The following MYT1L variants were observed in gnomAD, a reference collection of about 807,000 sequenced individuals.
MYT1L encodes the protein myelin transcription factor 1 like, also known as myelin transcription factor 1-like protein.
A neutral mutation model predicts 126.7 loss-of-function variants in MYT1L; 12 were observed. The ratio of observed to expected loss-of-function variants is 0.09; its 90% CI spans 0.06 to 0.15. MYT1L has a LOEUF of 0.15. Ranked by LOEUF, MYT1L falls within the 10% of genes least tolerant of loss-of-function variation. The pLI is 1.00. For missense variants in MYT1L, 979 were observed against 1,585.2 expected, an observed-to-expected ratio of 0.62 and a Z score of 6.49; for synonymous variants, 541 against 604.2, an observed-to-expected ratio of 0.90 and a Z score of 1.53.
At chr2:1,919,752 G>A (rs186968666) in intron 10 of MYT1L, among the ~76,000 whole-genome samples, 107 of 151,920 alleles carry the variant, frequency 7.0e-4, no homozygotes, top group Admixed American at 4.3e-3. Context: ...TTTTTGAGAC[G>A]GAGTCTCGCT....
At chr2:1,875,842 C>T (rs1254078092) in intron 18 of MYT1L, among the ~76,000 whole-genome samples, 1 of 152,232 alleles carries the variant, frequency 6.6e-6, no homozygotes, top group Non-Finnish European at 1.5e-5. Flanking sequence ...CTCGCTGCTC[C>T]CTCTCCCACC....
At chr2:1,949,883 T>C (rs752651713) in intron 8 of MYT1L, among the ~76,000 whole-genome samples, 6 of 152,326 alleles carry the variant, frequency 3.9e-5, no homozygotes, top group Non-Finnish European at 5.9e-5. Flanking sequence ...ATTTTTCTTG[T>C]ATTGCTTGAA....
intron 18 of MYT1L, among the ~76,000 whole-genome samples, chr2:1,874,654 C>T (rs1189673575): frequency 6.6e-6 from 1 of 152,176 alleles, no homozygotes; most frequent in African/African-American, 2.4e-5. Flanking sequence ...GTGATGATGT[C>T]GGACACAGGG....
intron 14 of MYT1L, among the ~76,000 whole-genome samples, chr2:1,899,793 A>G (rs1470294758): frequency 2.6e-5 from 4 of 152,314 alleles, no homozygotes; most frequent in East Asian, 1.9e-4. Context: ...GTGTTTCACT[A>G]TCTTGTGTAT....
chr2:2,231,288 C>A (rs1236854686), intron 2 of MYT1L, among the ~76,000 whole-genome samples: 2 of 152,184 alleles, frequency 1.3e-5, no homozygotes, highest in Non-Finnish European at 2.9e-5. Context: ...CATTCATTTT[C>A]CGTCTGTCTG....
chr2:1,821,910 T>C (rs892074506), intron 21 of MYT1L, among the ~76,000 whole-genome samples: 1 of 152,240 alleles, frequency 6.6e-6, no homozygotes, highest in African/African-American at 2.4e-5. Context: ...CCAGAGCTTC[T>C]GTTCTAGCTT....
chr2:2,225,050 C>T (rs1405609709), intron 2 of MYT1L, among the ~76,000 whole-genome samples: 8 of 151,896 alleles, frequency 5.3e-5, no homozygotes, highest in Non-Finnish European at 1.0e-4. Flanking sequence ...CATTGTGTGA[C>T]CAGTCCTGTC....
chr2:2,310,769 C>T (rs1338456922), intron 1 of MYT1L, among the ~76,000 whole-genome samples: 1 of 152,074 alleles, frequency 6.6e-6, no homozygotes, highest in African/African-American at 2.4e-5. Context: ...TCTTTCCTTC[C>T]CTGTTGGTCT....
At chr2:1,860,612 C>G (rs1309667902) in intron 18 of MYT1L, among the ~76,000 whole-genome samples, 1 of 152,202 alleles carries the variant, frequency 6.6e-6, no homozygotes, top group Non-Finnish European at 1.5e-5. Context: ...TTTTATGCAG[C>G]TTGTTGCAGG....
chr2:2,157,242 T>C (rs1291737723), intron 3 of MYT1L, among the ~76,000 whole-genome samples: 1 of 152,234 alleles, frequency 6.6e-6, no homozygotes, highest in Non-Finnish European at 1.5e-5. Flanking sequence ...ATAATCTATG[T>C]GAAAGCACTG....
chr2:2,069,494 C>T (rs544695976), intron 3 of MYT1L, among the ~76,000 whole-genome samples: 1 of 151,990 alleles, frequency 6.6e-6, no homozygotes, highest in Non-Finnish European at 1.5e-5. Context: ...GGGTTGGTTC[C>T]AAGTCTTTGC....
At chr2:1,951,792 T>C (rs963995788) in intron 8 of MYT1L, among the ~76,000 whole-genome samples, 44 of 152,228 alleles carry the variant, frequency 2.9e-4, no homozygotes, top group African/African-American at 8.9e-4. Flanking sequence ...AGTTCTCCTT[T>C]TCTTATTTCC....
intron 1 of MYT1L, among the ~76,000 whole-genome samples, chr2:2,287,021 C>G (rs1200542210): frequency 1.3e-5 from 2 of 152,138 alleles, no homozygotes; most frequent in Non-Finnish European, 2.9e-5. Flanking sequence ...TGCTTTGAGG[C>G]CAAGGCAGGC....
In MYT1L at chr2:1,864,971, T is replaced by C. The variant is rs575210079; in HGVS notation, c.2712-13268A>G. Among the ~76,000 whole-genome samples, 10 of 152,318 alleles carry C rather than the reference T, an allele frequency of 6.6e-5. No individual in the cohort carries two copies. The South Asian group carries it at 2.1e-3, about 32-fold the overall frequency. On this transcript the variant is annotated intron_variant, in intron 18 of 24. Transcript: ENST00000647738. ...GTGCCCGATTGCTGAGCTTCCACTC[T>C]ATTTAGGCTCTGGCTTTTCCTGTCA... is the stretch of plus-strand genomic sequence containing the variant.
chr2:1,891,619 A>C (rs1573289151), intron 15 of MYT1L, among the ~76,000 whole-genome samples: 2 of 152,198 alleles, frequency 1.3e-5, no homozygotes, highest in East Asian at 3.9e-4. Context: ...GTCCATAGGC[A>C]GATCCCTGCA....
At chr2:1,940,455 C>G (rs1346478645) in intron 9 of MYT1L, among the ~76,000 whole-genome samples, 1 of 149,276 alleles carries the variant, frequency 6.7e-6, no homozygotes, top group Non-Finnish European at 1.5e-5. Context: ...CACAACATCT[C>G]TCTGTGGCTG....
intron 2 of MYT1L, among the ~76,000 whole-genome samples, chr2:2,232,710 T>C (rs1017610172): frequency 2.6e-5 from 4 of 152,140 alleles, no homozygotes; most frequent in African/African-American, 9.7e-5. Flanking sequence ...GTTGGACACT[T>C]ATTTAAGTTT....
chr2:1,814,931 A>C (rs1392499755), intron 21 of MYT1L, among the ~76,000 whole-genome samples: 1 of 152,158 alleles, frequency 6.6e-6, no homozygotes, highest in Non-Finnish European at 1.5e-5. Context: ...ACAGGCTTGG[A>C]AGTCAGACTT....
At chr2:1,881,355 C>CGTGTGTGTGTGTGTGTGTGTGTGTGT (rs59171974) in intron 18 of MYT1L, among the ~76,000 whole-genome samples, 5 of 139,226 alleles carry the variant, frequency 3.6e-5, no homozygotes, top group African/African-American at 1.3e-4. Context: ...TTTGCAGGTT[C>CGTGTGTGTGTGTGTGTGTGTGTGTGT]GTGTGTGTGT....
Sources: allele counts gnomAD v4.1 joint callset (sites outside exome capture counted in the v4.1 genomes callset), GRCh38; gene constraint gnomAD v4.1.1; transcripts MANE v1.5; gene names NCBI Gene and HGNC (gene_info 2026-07-23, HGNC 2026-07-21).